Variants in ABCB9 observed in about 807,000 individuals in gnomAD.
ABCB9 encodes ABC-type oligopeptide transporter ABCB9.
ABCB9 carries 36 observed loss-of-function variants against 62.0 expected under a neutral mutation model. The observed-to-expected ratio is 0.58, with a 90% CI of 0.45 to 0.77. ABCB9 has a LOEUF of 0.77. ABCB9 is among the 30% of genes least tolerant of loss of function. The pLI, the probability that ABCB9 is intolerant of heterozygous loss-of-function variation, is 0.00. For missense variants in ABCB9, 943 were observed against 1,054.7 expected (o/e 0.89, Z 1.47); for synonymous variants, 435 against 461.4 (o/e 0.94, Z 0.73).
intron 11 of ABCB9, among the ~76,000 whole-genome samples, chr12:122,923,513 T>A (rs929776780): frequency 6.6e-6 from 1 of 152,038 alleles, no homozygotes; most frequent in Non-Finnish European, 1.5e-5. Flanking sequence ...ATGGTCTCCA[T>A]CTCCTGACCT....
At chr12:122,953,782 A>G (rs1245155269) in intron 2 of ABCB9, among the ~76,000 whole-genome samples, 4 of 152,044 alleles carry the variant, frequency 2.6e-5, no homozygotes, top group African/African-American at 9.7e-5. Flanking sequence ...TCGGCCTTCC[A>G]AAATGCTGGG....
chr12:122,949,107 C>T, intron 4 of ABCB9: 1 of 289,906 alleles, frequency 3.4e-6, no homozygotes, highest in Admixed American at 4.8e-5. Context: ...CACAGCCTGT[C>T]CGTGACTGAG....
Position 122,947,453 on chromosome 12 carries a change from A to G in ABCB9, c.1053+1171T>C, listed in dbSNP as rs1448734714. The stretch of plus-strand genomic sequence containing the variant: ...CAGGTCACCAACACCAAAGGCTCCA[A>G]TGGAGCTGCGACAATGACTTACCCG... On this transcript the variant is annotated intron_variant, in intron 5 of 11. Transcript: ENST00000280560. The surrounding 1 kb of genome is among the most constrained non-coding windows in gnomAD (Gnocchi z 6.0). The G allele has an allele frequency of 4.4e-6, 2 of 453,436 alleles. No individual in the cohort carries two copies. Among genetic ancestry groups the G allele is most frequent in the Non-Finnish European group, 8.9e-6 (2 of 225,210 alleles). The allele number at this position is 453,436 out of a possible 1,614,324, so 28.1% of individuals were successfully genotyped here.
downstream of ABCB9, among the ~76,000 whole-genome samples, chr12:122,928,730 G>T (rs762631465): frequency 2.6e-5 from 4 of 152,052 alleles, no homozygotes; most frequent in African/African-American, 9.7e-5. Context: ...CAGCTGTCCC[G>T]GGAAGCACAG....
intron 1 of ABCB9, among the ~76,000 whole-genome samples, chr12:122,965,725 G>A (rs1452939248): frequency 1.3e-5 from 2 of 151,590 alleles, no homozygotes; most frequent in Non-Finnish European, 2.9e-5. Context: ...GCCGGGGGAG[G>A]AGGCTTTTTT....
At position 122,959,641 on chromosome 12, in the gene ABCB9, C is replaced by T. The variant is rs2036783190; in HGVS notation, c.595G>A (p.Ala199Thr). 3.9e-6 allele frequency: 6 copies of T among 1,556,314 alleles called. No individual in the cohort carries two copies. The South Asian group carries it at 4.8e-5, about 12-fold the overall frequency. Residue 199 changes from alanine (A) to threonine (T), a missense_variant, in exon 2 of 12, where the codon GCT becomes ACT. Ala to Thr is a moderately conservative substitution (Grantham distance 58, BLOSUM62 0). Transcript: ENST00000280560. This position sits in a 1 kb window ranked among gnomAD's most constrained non-coding sequence, Gnocchi z 5.4. Reference sequence around the variant, plus strand: ...CCCCGAGGTCCTTACTTACCCAGAGCTGCCACGATGAGGAAGAAGGAGGCG... The same window carrying T: ...CCCCGAGGTCCTTACTTACCCAGAGTTGCCACGATGAGGAAGAAGGAGGCG... ...VAASFFLIVAALGETFLPYYT... is the reference protein window; with the variant it reads ...VAASFFLIVATLGETFLPYYT...
downstream of ABCB9, among the ~76,000 whole-genome samples, chr12:122,920,082 T>C (rs761285330): frequency 9.2e-5 from 14 of 152,044 alleles, no homozygotes; most frequent in Non-Finnish European, 1.2e-4. Context: ...GTTTTCACCA[T>C]GTTGGCCAGG....
chr12:122,956,519 T>C (rs1223814092), intron 2 of ABCB9, among the ~76,000 whole-genome samples: 1 of 152,202 alleles, frequency 6.6e-6, no homozygotes, highest in East Asian at 1.9e-4. Context: ...TATTTTACTA[T>C]TTTATTATTT....
At chr12:122,936,043 A>G (rs2035442424) in intron 9 of ABCB9, among the ~76,000 whole-genome samples, 1 of 152,158 alleles carries the variant, frequency 6.6e-6, no homozygotes, top group South Asian at 2.1e-4. Context: ...CCATATCTAC[A>G]AAATGAAAAA....
Position 122,959,952 on chromosome 12 carries a change from A to T in ABCB9, c.284T>A (p.Ile95Asn). Residue 95 changes from isoleucine (I) to asparagine (N), a missense_variant, in exon 2 of 12, where the codon ATC becomes AAC. Coordinates refer to ENST00000280560, the MANE Select transcript of ABCB9 (RefSeq NM_019625.4). This position sits in a 1 kb window ranked among gnomAD's most constrained non-coding sequence, Gnocchi z 5.4. The part of the protein sequence containing the change: ...VITLVCLFVG[I>N]YAMVKLLLFS... The stretch of plus-strand genomic sequence containing the variant: ...GAGCAGCAGCTTCACCATGGCATAG[A>T]TGCCCACGAAGAGGCACACGAGGGT... 6.2e-7 allele frequency: 1 copy of T among 1,613,278 alleles called. No individual in the cohort carries two copies. The highest frequency in any genetic ancestry group is 8.5e-7 in the Non-Finnish European group (1 of 1,179,966).
rs189204705 is a variant in ABCB9, at chr12:122,964,664, G to A, written c.-88+1623C>T. ...CGCTCTCCAACTGCCTGACTCAGAG[G>A]ATGCGCTGGGCTCGGCCAGGTGGAG... On this transcript the variant is annotated intron_variant, in intron 1 of 11. Transcript: ENST00000280560. This position sits in a 1 kb window ranked among gnomAD's most constrained non-coding sequence, Gnocchi z 4.7. Among the ~76,000 whole-genome samples the A allele has an allele frequency of 8.6e-3, 1,314 of 152,372 alleles. 10 individuals are homozygous for A. The highest frequency in any genetic ancestry group is 0.014 in the Middle Eastern group (4 of 294).
chr12:122,921,069 T>C (rs1460334339), intron 11 of ABCB9: 1 of 1,535,194 alleles, frequency 6.5e-7, no homozygotes, highest in Non-Finnish European at 8.7e-7. Flanking sequence ...ATATGCTTGC[T>C]AAATGTCAAA....
At position 122,944,472 on chromosome 12, in the gene ABCB9, G is replaced by A. The variant is rs372809686; in HGVS notation, c.1299C>T (p.His433=). The A allele has an allele frequency of 1.0e-4, 165 of 1,613,980 alleles. 1 individual carries two copies. Among genetic ancestry groups the A allele is most frequent in the Non-Finnish European group, 1.2e-4 (146 of 1,179,996 alleles). The change falls in exon 7 of 12, where the codon CAC becomes CAT. Residue 433 remains histidine (H), a synonymous_variant. Coordinates refer to ENST00000280560, the MANE Select transcript of ABCB9 (RefSeq NM_019625.4). This position sits in a 1 kb window ranked among gnomAD's most constrained non-coding sequence, Gnocchi z 4.9. ...VQVSILYYGG[H]LVISGQMTSG... is the part of the protein sequence containing the mutation. ...TGGTCATCTGGCCTGAGATGACAAG[G>A]TGGCCCCCGTAGTAGAGGATGCTGA...
chr12:122,958,703 T>G (rs1027143443), intron 2 of ABCB9, among the ~76,000 whole-genome samples: 1 of 151,822 alleles, frequency 6.6e-6, no homozygotes, highest in African/African-American at 2.4e-5. Flanking sequence ...ATTAGCTGGG[T>G]GTGGTGCACG....
chr12:122,919,890 T>TTTTTTATTTATTTATTTATTTAC, downstream of ABCB9, among the ~76,000 whole-genome samples: 1 of 111,934 alleles, frequency 8.9e-6, no homozygotes, highest in Non-Finnish European at 1.8e-5. Flanking sequence ...TGTTTATTTA[T>TTTTTTATTTATTTATTTATTTAC]TTATTTATTT....
At position 122,960,031 on chromosome 12, in the gene ABCB9, C is replaced by A; in HGVS notation, c.205G>T (p.Ala69Ser). ...CLLLGATIGV[A>S]KNSALGPRRL... ...CGGGGCCCCAGCGCACTGTTCTTGG[C>A]CACACCAATGGTGGCTCCCAGCAGC... Residue 69 changes from alanine (A) to serine (S), a missense_variant, in exon 2 of 12, where the codon GCC (alanine) becomes TCC (serine). Coordinates refer to ENST00000280560, the MANE Select transcript of ABCB9 (RefSeq NM_019625.4). 6.2e-7 allele frequency: 1 copy of A among 1,613,470 alleles called. No homozygotes were observed. The highest frequency in any genetic ancestry group is 8.5e-7 in the Non-Finnish European group (1 of 1,180,030).
At chr12:122,943,438 C>T in intron 7 of ABCB9, among the ~76,000 whole-genome samples, 1 of 152,206 alleles carries the variant, frequency 6.6e-6, no homozygotes, top group South Asian at 2.1e-4. Flanking sequence ...TGGAAGTAGG[C>T]TGGGAGGAAG....
downstream of ABCB9, among the ~76,000 whole-genome samples, chr12:122,925,645 G>A (rs890254236): frequency 3.3e-5 from 5 of 152,274 alleles, no homozygotes; most frequent in East Asian, 3.9e-4. Context: ...CTACTCGGGC[G>A]GCTGAGGCAG....
chr12:122,938,900 G>A (rs766275744), intron 9 of ABCB9, among the ~76,000 whole-genome samples: 20 of 150,588 alleles, frequency 1.3e-4, no homozygotes, highest in Middle Eastern at 3.6e-3. Context: ...AGCGAGGCAC[G>A]GTGGCTCACG....
Sources: allele counts gnomAD v4.1 joint callset (sites outside exome capture counted in the v4.1 genomes callset), GRCh38; gene constraint gnomAD v4.1.1; non-coding constraint Gnocchi (gnomAD v3.1); transcripts MANE v1.5; gene names NCBI Gene and HGNC (gene_info 2026-07-23, HGNC 2026-07-21).